KLRF1: variants seen among roughly 807,000 people sequenced by gnomAD.
KLRF1 encodes killer cell lectin-like receptor subfamily F member 1.
In KLRF1, 27 loss-of-function variants were observed where a neutral mutation model predicts 30.7. The observed-to-expected ratio is 0.88, with a 90% CI of 0.65 to 1.21. KLRF1 has a LOEUF of 1.21. Among genes scored for constraint, KLRF1 ranks in the 50% most tolerant of loss-of-function variants. KLRF1 has a pLI of 0.00. For missense variants in KLRF1, 246 were observed against 259.3 expected, an observed-to-expected ratio of 0.95 and a Z score of 0.35; for synonymous variants, 92 against 89.3, an observed-to-expected ratio of 1.03 and a Z score of -0.17.
chr12:9,818,630 A>C, the KLRF1 span, among the ~76,000 whole-genome samples: 1 of 152,210 alleles, frequency 6.6e-6, no homozygotes. Context: ...AGACTTAAGT[A>C]ATAAATCTGC....
At chr12:9,804,380 A>G in the KLRF1 span, among the ~76,000 whole-genome samples, 271 of 152,106 alleles carry the variant, frequency 1.8e-3, no homozygotes, top group Non-Finnish European at 3.0e-3. Context: ...TTCTCACATT[A>G]TGGGTTATCC....
chr12:9,822,535 G>A (rs1483756881), upstream of KLRF1, among the ~76,000 whole-genome samples: 11 of 152,124 alleles, frequency 7.2e-5, no homozygotes, highest in African/African-American at 1.2e-4. Flanking sequence ...ACAAATCATC[G>A]ACATCCCTGA....
Position 9,833,284 on chromosome 12 carries a change from A to C in KLRF1, c.185-19A>C, listed in dbSNP as rs1026124582. 4 of 1,561,164 alleles carry C rather than the reference A, an allele frequency of 2.6e-6. No individual in the cohort carries two copies. Among genetic ancestry groups the C allele is most frequent in the Non-Finnish European group, 3.5e-6 (4 of 1,153,822 alleles). ...TAGAGAAGATATTTACCTAACCTTA[A>C]AATAGTCCTGTATTCAAGTTTCTCA... On this transcript the variant is annotated intron_variant, in intron 2 of 5. Transcript: ENST00000617889.
chr12:9,839,635 A>C (rs775488632), intron 3 of KLRF1, among the ~76,000 whole-genome samples: 2 of 150,928 alleles, frequency 1.3e-5, no homozygotes, highest in East Asian at 3.9e-4. Context: ...TAATATGATC[A>C]TTCATTAGGG....
At chr12:9,806,470 C>T in the KLRF1 span, among the ~76,000 whole-genome samples, 1 of 152,154 alleles carries the variant, frequency 6.6e-6, no homozygotes, top group Non-Finnish European at 1.5e-5. Context: ...CATTTGGTAT[C>T]ATTTTACAGA....
intron 3 of KLRF1, among the ~76,000 whole-genome samples, chr12:9,836,313 C>G (rs1271629381): frequency 6.6e-6 from 1 of 152,044 alleles, no homozygotes; most frequent in Non-Finnish European, 1.5e-5. Flanking sequence ...AGTCATACTC[C>G]TATTCACCAT....
At chr12:9,812,004 C>G in the KLRF1 span, among the ~76,000 whole-genome samples, 1 of 152,128 alleles carries the variant, frequency 6.6e-6, no homozygotes, top group Admixed American at 6.5e-5. Context: ...ATAGTTTGTA[C>G]ATAATCTCCA....
At chr12:9,805,117 G>A in the KLRF1 span, among the ~76,000 whole-genome samples, 6 of 151,748 alleles carry the variant, frequency 4.0e-5, no homozygotes, top group Non-Finnish European at 2.9e-5. Context: ...TCAGTGTGTT[G>A]TTGGCTTCAA....
At chr12:9,824,559 C>CA, upstream of KLRF1, among the ~76,000 whole-genome samples, 1 of 152,120 alleles carries the variant, frequency 6.6e-6, no homozygotes, top group East Asian at 1.9e-4. Flanking sequence ...AAGCACAAGA[C>CA]ACGAATGCCC....
chr12:9,829,044 A>T (rs768872169), intron 1 of KLRF1, among the ~76,000 whole-genome samples: 3 of 152,178 alleles, frequency 2.0e-5, no homozygotes, highest in Admixed American at 6.5e-5. Flanking sequence ...TGACAATGTG[A>T]GCCTTGGGGT....
chr12:9,827,835 C>T (rs540275126), intron 1 of KLRF1, among the ~76,000 whole-genome samples: 56 of 152,150 alleles, frequency 3.7e-4, no homozygotes, highest in Middle Eastern at 3.4e-3. Context: ...CACCAGTTTC[C>T]GGCACTATAC....
upstream of KLRF1, among the ~76,000 whole-genome samples, chr12:9,826,429 A>G (rs1219299908): frequency 6.6e-6 from 1 of 152,136 alleles, no homozygotes; most frequent in African/African-American, 2.4e-5. Context: ...TACACCTTTG[A>G]TGGGAGTGTA....
chr12:9,842,350 A>T lies in KLRF1; in HGVS notation c.504A>T (p.Leu168Phe). 1 of 1,612,110 alleles carries T rather than the reference A, an allele frequency of 6.2e-7. No homozygotes were observed. The highest frequency in any genetic ancestry group is 8.5e-7 in the Non-Finnish European group (1 of 1,178,636). The change falls in exon 5 of 6, where the codon TTA becomes TTT. Residue 168 changes from leucine to phenylalanine, a missense_variant. Coordinates refer to ENST00000617889, the MANE Select transcript of KLRF1 (RefSeq NM_016523.3). The part of the protein sequence containing the change: ...MAFIQKNLRQ[L>F]NYVWIGLNFT... ...TTATACAGAAAAACCTAAGACAATT[A>T]AACTACGTATGGATTGGGCTTAACT...
rs775799726 is a variant in KLRF1, at chr12:9,844,456, C to T, written c.626C>T (p.Ala209Val). 4.3e-6 allele frequency: 7 copies of T among 1,609,332 alleles called. No homozygotes were observed. The highest frequency in any genetic ancestry group is 1.7e-4 in the Middle Eastern group (1 of 5,862). ...IKGPAKENSC[A>V]AIKESKIFSE... ...GGACCAGCTAAAGAAAACAGCTGTG[C>T]TGCCATTAAGGAAAGCAAAATTTTC... Residue 209 changes from alanine to valine, a missense_variant, in exon 6 of 6, where the codon GCT becomes GTT. Physicochemically the swap from Ala to Val is moderately conservative, Grantham distance 64. Transcript: ENST00000617889.
At chr12:9,836,220 CT>C (rs1867572956) in intron 3 of KLRF1, among the ~76,000 whole-genome samples, 1 of 152,014 alleles carries the variant, frequency 6.6e-6, no homozygotes, top group South Asian at 2.1e-4. Flanking sequence ...CCTTACCCTA[CT>C]TTTTGCAACA....
chr12:9,803,599 G>A, the KLRF1 span, among the ~76,000 whole-genome samples: 6 of 151,998 alleles, frequency 3.9e-5, no homozygotes, highest in African/African-American at 1.4e-4. Flanking sequence ...TAATTTTTGA[G>A]AAGAGTACAA....
At chr12:9,822,749 G>C (rs1473615800), upstream of KLRF1, among the ~76,000 whole-genome samples, 1 of 151,992 alleles carries the variant, frequency 6.6e-6, no homozygotes, top group Non-Finnish European at 1.5e-5. Flanking sequence ...TGACACACAG[G>C]CTTGAAATAA....
the KLRF1 span, among the ~76,000 whole-genome samples, chr12:9,800,787 T>C: frequency 1.3e-5 from 2 of 152,040 alleles, no homozygotes; most frequent in Non-Finnish European, 2.9e-5. Flanking sequence ...ATGTCTTTTG[T>C]TAAGTATTTT....
At chr12:9,837,725 C>T (rs1390651846) in intron 3 of KLRF1, among the ~76,000 whole-genome samples, 1 of 152,140 alleles carries the variant, frequency 6.6e-6, no homozygotes, top group East Asian at 1.9e-4. Context: ...GTTTGGTAGC[C>T]TCAAGGCAGA....
Sources: gnomAD v4.1 joint callset for allele counts (sites outside exome capture counted in the v4.1 genomes callset) on GRCh38, gnomAD v4.1.1 for gene constraint, MANE v1.5 for transcripts, NCBI Gene and HGNC (gene_info 2026-07-23, HGNC 2026-07-21) for gene names.